The following PRKG1 variants were observed in gnomAD, a reference collection of about 807,000 sequenced individuals.
PRKG1 encodes cGMP-dependent protein kinase 1.
Under a neutral mutation model 88.1 loss-of-function variants are expected in PRKG1, and 35 were observed. That is an observed-to-expected ratio of 0.40 (90% confidence interval 0.30 to 0.53). The LOEUF (loss-of-function observed/expected upper bound fraction) is 0.53, where lower values mean the gene tolerates loss of function less well. Ranked by LOEUF, PRKG1 falls within the 20% of genes least tolerant of loss-of-function variation. The pLI is 0.59. For synonymous variants in PRKG1, 303 were observed against 292.5 expected, an observed-to-expected ratio of 1.04 and a Z score of -0.37; for missense variants, 540 against 839.8, an observed-to-expected ratio of 0.64 and a Z score of 4.41.
At chr10:52,065,811 G>A (rs182430911) in intron 7 of PRKG1, among the ~76,000 whole-genome samples, 1 of 152,290 alleles carries the variant, frequency 6.6e-6, no homozygotes, top group East Asian at 1.9e-4. Context: ...ATTATTAAAT[G>A]TGTCAAAAGA....
At chr10:51,324,201 TTC>T in intron 2 of PRKG1, among the ~76,000 whole-genome samples, 1 of 152,258 alleles carries the variant, frequency 6.6e-6, no homozygotes, top group Non-Finnish European at 1.5e-5. Flanking sequence ...AACTGATAGC[TTC>T]TCTCTCTTTA....
At chr10:51,399,660 C>A (rs1014065188) in intron 2 of PRKG1, among the ~76,000 whole-genome samples, 3 of 152,140 alleles carry the variant, frequency 2.0e-5, no homozygotes, top group African/African-American at 7.2e-5. Context: ...GTAGGCATGA[C>A]CCCTGTGACC....
chr10:51,531,423 C>A (rs902959295), intron 3 of PRKG1, among the ~76,000 whole-genome samples: 23 of 152,222 alleles, frequency 1.5e-4, no homozygotes, highest in African/African-American at 5.5e-4. Context: ...ATTTCTGCTT[C>A]ATTGAATCTC....
intron 1 of PRKG1, among the ~76,000 whole-genome samples, chr10:51,052,725 A>C (rs1440523482): frequency 1.3e-5 from 2 of 152,140 alleles, no homozygotes; most frequent in African/African-American, 4.8e-5. Context: ...CATCAATAAT[A>C]TTTCTATGTT....
chr10:51,886,503 C>T (rs113712050), intron 4 of PRKG1, among the ~76,000 whole-genome samples: 7 of 152,074 alleles, frequency 4.6e-5, no homozygotes, highest in Non-Finnish European at 7.4e-5. Flanking sequence ...AGTTTCTTTT[C>T]GACCTGCTAA....
chr10:52,295,049 A>G lies in PRKG1; in HGVS notation c.*1149A>G, dbSNP rs1313070833. 2.0e-5 allele frequency: 3 copies of G among 152,450 alleles called. No homozygotes were observed. Among genetic ancestry groups the G allele is most frequent in the Non-Finnish European group, 2.9e-5 (2 of 67,976 alleles). The allele number at this position is 152,450 out of a possible 1,614,324, so 9.4% of individuals were successfully genotyped here. A position where few individuals can be genotyped will look rare whatever the true frequency, so the allele number is the denominator to read the frequency against. On this transcript the variant is annotated 3_prime_UTR_variant, in exon 18 of 18. Coordinates refer to ENST00000373980, the MANE Select transcript of PRKG1 (RefSeq NM_006258.4). ...GAGAGACAAAGGTAATTATAAACCT[A>G]TTTGAACTAGCTTCTTGTCTTAGGC...
At chr10:51,262,873 C>T (rs1483458895) in intron 2 of PRKG1, among the ~76,000 whole-genome samples, 4 of 152,184 alleles carry the variant, frequency 2.6e-5, no homozygotes, top group Admixed American at 6.5e-5. Context: ...ATGATCCAAT[C>T]GCCTCCCATC....
intron 3 of PRKG1, among the ~76,000 whole-genome samples, chr10:51,648,575 A>C (rs1392875575): frequency 1.3e-5 from 2 of 152,168 alleles, no homozygotes; most frequent in African/African-American, 4.8e-5. Flanking sequence ...AGGTGGCACT[A>C]GATATTTTTT....
At chr10:51,105,689 T>A (rs1205479985) in intron 1 of PRKG1, among the ~76,000 whole-genome samples, 1 of 150,708 alleles carries the variant, frequency 6.6e-6, no homozygotes, top group Non-Finnish European at 1.5e-5. Context: ...GACATTAAAA[T>A]TTTTTTCCTT....
chr10:51,506,852 A>G (rs928492882), intron 3 of PRKG1, among the ~76,000 whole-genome samples: 10 of 152,118 alleles, frequency 6.6e-5, no homozygotes, highest in African/African-American at 2.2e-4. Context: ...ATATGCACAC[A>G]TATGTTTATT....
chr10:51,121,140 C>G (rs371429631), intron 1 of PRKG1, among the ~76,000 whole-genome samples: 1 of 152,104 alleles, frequency 6.6e-6, no homozygotes, highest in East Asian at 1.9e-4. Context: ...TTACAAGTAT[C>G]GTGGTGATTA....
In PRKG1 at chr10:51,476,354, A is replaced by G. The variant is rs942143556; in HGVS notation, c.592+8518A>G. On this transcript the variant is annotated intron_variant, in intron 3 of 17. Coordinates refer to ENST00000373980, the MANE Select transcript of PRKG1 (RefSeq NM_006258.4). ...AATAAATATTGACTTCTCAGAAGGCAGGTAAAAAAAGATTCAAGAAGCAAT... is the reference window on the plus strand; with the variant it reads ...AATAAATATTGACTTCTCAGAAGGCGGGTAAAAAAAGATTCAAGAAGCAAT... Among the ~76,000 whole-genome samples, 3 of 152,090 alleles carry G rather than the reference A, an allele frequency of 2.0e-5. No homozygotes were observed. The East Asian group carries it at 5.8e-4, about 29-fold the overall frequency.
chr10:51,084,444 A>T (rs962193201), intron 1 of PRKG1, among the ~76,000 whole-genome samples: 2 of 152,206 alleles, frequency 1.3e-5, no homozygotes, highest in African/African-American at 2.4e-5. Context: ...CTACCAAGAT[A>T]TACTACTTTC....
At chr10:51,667,233 A>T (rs1307226394) in intron 3 of PRKG1, among the ~76,000 whole-genome samples, 2 of 152,210 alleles carry the variant, frequency 1.3e-5, no homozygotes, top group African/African-American at 4.8e-5. Context: ...AAGAAAGCCA[A>T]TTGTTTTGAA....
At chr10:52,089,972 G>A (rs1847014151) in intron 7 of PRKG1, among the ~76,000 whole-genome samples, 1 of 151,790 alleles carries the variant, frequency 6.6e-6, no homozygotes, top group Admixed American at 6.6e-5. Context: ...GTGCCACCAT[G>A]CCTAGCTAGT....
chr10:51,944,556 AT>A (rs1053909480), intron 5 of PRKG1, among the ~76,000 whole-genome samples: 30 of 152,090 alleles, frequency 2.0e-4, no homozygotes, highest in Admixed American at 1.0e-3. Flanking sequence ...TAGGGTGTCA[AT>A]TTTGGATCTT....
intron 2 of PRKG1, among the ~76,000 whole-genome samples, chr10:51,364,649 G>A (rs993993221): frequency 1.3e-4 from 20 of 151,868 alleles, no homozygotes; most frequent in Admixed American, 1.3e-3. Context: ...AGCTCAAATG[G>A]ATGGATTTAT....
At chr10:51,009,716 C>T (rs1418055805) in intron 1 of PRKG1, among the ~76,000 whole-genome samples, 1 of 152,102 alleles carries the variant, frequency 6.6e-6, no homozygotes, top group African/African-American at 2.4e-5. Flanking sequence ...CTATTTAATT[C>T]AGAAACATTC....
intron 1 of PRKG1, among the ~76,000 whole-genome samples, chr10:51,008,221 T>C (rs187576772): frequency 2.6e-5 from 4 of 152,328 alleles, no homozygotes; most frequent in African/African-American, 9.6e-5. Context: ...CCAAAGATTC[T>C]GGCTTAATAG....
Sources: gnomAD v4.1 joint callset for allele counts (sites outside exome capture counted in the v4.1 genomes callset) on GRCh38, gnomAD v4.1.1 for gene constraint, MANE v1.5 for transcripts, NCBI Gene and HGNC (gene_info 2026-07-23, HGNC 2026-07-21) for gene names.